SLC36A2: variants seen among roughly 807,000 people sequenced by gnomAD.
The protein encoded by SLC36A2 is solute carrier family 36 member 2, also known as proton-coupled amino acid transporter 2.
A neutral mutation model predicts 42.7 loss-of-function variants in SLC36A2; 39 were observed. The ratio of observed to expected loss-of-function variants is 0.91; its 90% CI spans 0.71 to 1.19. The LOEUF is 1.19. Among genes scored for constraint, SLC36A2 ranks in the 50% most tolerant of loss-of-function variants. SLC36A2 has a pLI of 0.00. For synonymous variants in SLC36A2, 237 were observed against 240.8 expected, an observed-to-expected ratio of 0.98 and a Z score of 0.15; for missense variants, 590 against 613.7, an observed-to-expected ratio of 0.96 and a Z score of 0.41.
intron 9 of SLC36A2, among the ~76,000 whole-genome samples, chr5:151,320,603 G>A (rs2127284128): frequency 6.6e-6 from 1 of 152,290 alleles, no homozygotes. Flanking sequence ...AATACTTGCA[G>A]AAAGGGGTAC....
chr5:151,333,203 C>T, intron 7 of SLC36A2, 21 bp downstream of exon 7: 1 of 1,601,530 alleles, frequency 6.2e-7, no homozygotes, highest in Non-Finnish European at 8.6e-7. Flanking sequence ...AGGGATAAGG[C>T]CACCTCAATT....
At chr5:151,343,752 A>G (rs1190665657) in intron 2 of SLC36A2, among the ~76,000 whole-genome samples, 154 bp from the exon 3 acceptor site, 5 of 152,194 alleles carry the variant, frequency 3.3e-5, no homozygotes, top group African/African-American at 4.8e-5. Context: ...AGCAACAGCT[A>G]TTCTTTCAAA....
At position 151,344,201 on chromosome 5, in the gene SLC36A2, G is replaced by A. The variant is rs202128796; in HGVS notation, c.231C>T (p.Leu77=). The change falls in exon 2 of 10, where the codon CTC becomes CTT. Residue 77 remains leucine (L), a synonymous_variant. Transcript: ENST00000335244. The stretch of plus-strand genomic sequence containing the variant: ...CCAGGATGCCCGCGTTCTTCACAGC[G>A]AGGGGTAGTCCCAGGATCCCTGTGC... ...NMGTGILGLP[L]AVKNAGILMG... The A allele has an allele frequency of 3.3e-4, 534 of 1,614,044 alleles. No individual in the cohort carries two copies. The highest frequency in any genetic ancestry group is 4.2e-4 in the Non-Finnish European group (490 of 1,180,024).
At chr5:151,320,498 A>T (rs992652195) in intron 9 of SLC36A2, among the ~76,000 whole-genome samples, 1 of 152,176 alleles carries the variant, frequency 6.6e-6, no homozygotes, top group Non-Finnish European at 1.5e-5. Context: ...AAAAGAAGAC[A>T]CTTTTGCAAT....
chr5:151,336,942 A>T (rs777563236), intron 5 of SLC36A2, among the ~76,000 whole-genome samples: 5 of 152,156 alleles, frequency 3.3e-5, no homozygotes, highest in Non-Finnish European at 7.3e-5. Context: ...CACAAATTAC[A>T]TATATTATAC....
In SLC36A2 at chr5:151,333,269, A is replaced by G; in HGVS notation, c.798T>C (p.Pro266=). The G allele has an allele frequency of 1.2e-6, 2 of 1,614,068 alleles. No homozygotes were observed. The highest frequency in any genetic ancestry group is 1.7e-6 in the Non-Finnish European group (2 of 1,179,968). Residue 266 remains proline (P), a synonymous_variant, in exon 7 of 10, where the codon CCT becomes CCC. Coordinates refer to ENST00000335244, the MANE Select transcript of SLC36A2 (RefSeq NM_181776.3). The stretch of plus-strand genomic sequence containing the variant: ...AAAAAATGGCTGTTCCGAAGAAGAG[A>G]GGGTAGGTCTTCCAGCTTGCTACCA... The part of the protein sequence containing the change: ...LPLVASWKTY[P]LFFGTAIFSF...
At chr5:151,335,300 G>T (rs763348771) in intron 6 of SLC36A2, 29 bp downstream of exon 6, 11 of 1,541,498 alleles carry the variant, frequency 7.1e-6, no homozygotes, top group Non-Finnish European at 9.8e-6. Flanking sequence ...CTGCCCAGTG[G>T]AGTGGGCAGG....
At position 151,338,942 on chromosome 5, in the gene SLC36A2, G is replaced by A. The variant is rs189548645; in HGVS notation, c.525+118C>T. ...GGGGAGGCAAGTTTGACAACATCTAGTTTAACTTCCTTTGTTACATTGATG... is the reference window on the plus strand; with the variant it reads ...GGGGAGGCAAGTTTGACAACATCTAATTTAACTTCCTTTGTTACATTGATG... On this transcript the variant is annotated intron_variant, in intron 5 of 9. Transcript: ENST00000335244. 640 of 788,050 alleles carry A rather than the reference G, an allele frequency of 8.1e-4. 6 individuals carry two copies. In the African/African-American group the frequency reaches 0.01, roughly 12 times the overall value. The allele number at this position is 788,050 out of a possible 1,614,324, so 48.8% of individuals were successfully genotyped here.
intron 7 of SLC36A2, among the ~76,000 whole-genome samples, chr5:151,327,905 C>T (rs1294264713): frequency 1.3e-5 from 2 of 152,240 alleles, no homozygotes; most frequent in African/African-American, 2.4e-5. Context: ...GTCACCTTCT[C>T]TCTCTGGGGC....
intron 9 of SLC36A2, chr5:151,319,652 G>A (rs1755626271): frequency 6.5e-6 from 1 of 153,198 alleles, no homozygotes; most frequent in Non-Finnish European, 1.5e-5. Context: ...AAGTGGCACA[G>A]GAGGGTCAGA....
intron 7 of SLC36A2, among the ~76,000 whole-genome samples, chr5:151,327,307 G>A (rs1274952830): frequency 1.3e-5 from 2 of 152,202 alleles, no homozygotes; most frequent in African/African-American, 4.8e-5. Flanking sequence ...CCAAGTTGCA[G>A]AACCAGAAAG....
In SLC36A2 at chr5:151,325,386, A is replaced by G. The variant is rs779241070; in HGVS notation, c.910T>C (p.Ser304Pro). 9 of 1,614,212 alleles carry G rather than the reference A, an allele frequency of 5.6e-6. No individual in the cohort carries two copies. The South Asian group carries it at 7.7e-5, about 14-fold the overall frequency. Residue 304 changes from serine (S) to proline (P), a missense_variant, in exon 8 of 10, where the codon TCC becomes CCC. Coordinates refer to ENST00000335244, the MANE Select transcript of SLC36A2 (RefSeq NM_181776.3). ...CCAATGTATAGGGAAGTGACGATGG[A>G]CATTCCCAAAGACAGGATGGCTGGG... The part of the protein sequence containing the change: ...HFPAILSLGM[S>P]IVTSLYIGMA...
In SLC36A2 at chr5:151,325,312, G is replaced by T; in HGVS notation, c.984C>A (p.Ser328Arg). ...YLRFGDDIKA[S>R]ISLNLPNCWL... ...AGCAGTTAGGCAGGTTAAGGCTTAT[G>T]CTGGCCTTGATGTCATCTCCAAACC... The change falls in exon 8 of 10, where the codon AGC becomes AGA. Residue 328 changes from serine to arginine, a missense_variant. Physicochemically the swap from Ser to Arg is moderately radical, Grantham distance 110 (BLOSUM62 -1). Transcript: ENST00000335244. 1 of 1,613,734 alleles carries T rather than the reference G, an allele frequency of 6.2e-7. No homozygotes were observed. The highest frequency in any genetic ancestry group is 8.5e-7 in the Non-Finnish European group (1 of 1,179,854).
chr5:151,336,737 G>C (rs566305184), intron 5 of SLC36A2, among the ~76,000 whole-genome samples: 30 of 145,522 alleles, frequency 2.1e-4, no homozygotes, highest in Non-Finnish European at 3.4e-4. Context: ...GTCAGGGGTA[G>C]GTGGATGCTA....
intron 4 of SLC36A2, among the ~76,000 whole-genome samples, chr5:151,340,363 A>G (rs1756307143): frequency 6.6e-6 from 1 of 152,210 alleles, no homozygotes; most frequent in African/African-American, 2.4e-5. Context: ...CACATTCAGA[A>G]TCTGAATCTT....
intron 8 of SLC36A2, among the ~76,000 whole-genome samples, chr5:151,322,819 G>T (rs1403835870): frequency 6.6e-6 from 1 of 152,224 alleles, no homozygotes; most frequent in East Asian, 1.9e-4. Context: ...CAAGCTAGGG[G>T]CAGAGTGTGT....
chr5:151,330,917 C>G (rs1755978018), intron 7 of SLC36A2, among the ~76,000 whole-genome samples: 1 of 151,946 alleles, frequency 6.6e-6, no homozygotes, highest in Admixed American at 6.6e-5. Context: ...AGTCAATAGG[C>G]CAATTAAAGT....
chr5:151,339,283 A>C (rs1756250198), intron 4 of SLC36A2, 139 bp from the exon 5 acceptor site: 2 of 613,822 alleles, frequency 3.3e-6, no homozygotes, highest in African/African-American at 3.7e-5. Flanking sequence ...CACCACAATC[A>C]ACAATGGGGC....
intron 5 of SLC36A2, 91 bp downstream of exon 5, chr5:151,338,966 TGAG>T: frequency 1.1e-6 from 1 of 910,400 alleles, no homozygotes; most frequent in South Asian, 1.3e-5. Context: ...GTTACATTGA[TGAG>T]GACCAGAGAG....
Sources: gnomAD v4.1 joint callset for allele counts (sites outside exome capture counted in the v4.1 genomes callset) on GRCh38, gnomAD v4.1.1 for gene constraint, MANE v1.5 for transcripts, NCBI Gene and HGNC (gene_info 2026-07-23, HGNC 2026-07-21) for gene names.